Variants in STXBP5L observed in about 807,000 individuals in gnomAD.
The protein encoded by STXBP5L is syntaxin-binding protein 5-like.
Under a neutral mutation model 144.5 loss-of-function variants are expected in STXBP5L, and 65 were observed. That is an observed-to-expected ratio of 0.45 (90% confidence interval 0.37 to 0.55). The LOEUF is 0.55. Ranked by LOEUF, STXBP5L falls within the 20% of genes least tolerant of loss-of-function variation. STXBP5L has a pLI of 0.00. For missense variants in STXBP5L, 1,298 were observed against 1,405.5 expected (o/e 0.92, Z 1.22); for synonymous variants, 505 against 469.6 (o/e 1.08, Z -0.97).
chr3:121,029,622 C>A (rs193175218), intron 3 of STXBP5L, among the ~76,000 whole-genome samples: 2 of 152,232 alleles, frequency 1.3e-5, no homozygotes, highest in Non-Finnish European at 2.9e-5. Context: ...TAGGCATGGG[C>A]AAAGTCTTCG....
At chr3:121,356,524 G>T (rs2045521035) in intron 20 of STXBP5L, among the ~76,000 whole-genome samples, 1 of 152,236 alleles carries the variant, frequency 6.6e-6, no homozygotes, top group African/African-American at 2.4e-5. Context: ...CTCCTTGTCT[G>T]CCCATTGCTA....
chr3:121,055,190 A>G (rs1400433696), intron 5 of STXBP5L, among the ~76,000 whole-genome samples: 1 of 152,192 alleles, frequency 6.6e-6, no homozygotes, highest in Admixed American at 6.5e-5. Flanking sequence ...TAACATGAGA[A>G]TATTCATTAT....
intron 20 of STXBP5L, among the ~76,000 whole-genome samples, chr3:121,345,287 G>C (rs570013580): frequency 1.3e-5 from 2 of 152,126 alleles, no homozygotes; most frequent in Non-Finnish European, 2.9e-5. Flanking sequence ...GTGATAGTTT[G>C]CTGAGAATGA....
At chr3:121,096,740 C>T (rs565982336) in intron 5 of STXBP5L, among the ~76,000 whole-genome samples, 1 of 152,206 alleles carries the variant, frequency 6.6e-6, no homozygotes, top group African/African-American at 2.4e-5. Context: ...GGGGAACCTA[C>T]CAGTTGCCAG....
intron 20 of STXBP5L, among the ~76,000 whole-genome samples, chr3:121,349,022 C>T (rs1196769939): frequency 6.6e-6 from 1 of 151,986 alleles, no homozygotes; most frequent in Admixed American, 6.6e-5. Context: ...TTTGCTCTTG[C>T]TTCTCTAGTT....
At chr3:121,167,778 C>A (rs1361722510) in intron 9 of STXBP5L, among the ~76,000 whole-genome samples, 1 of 152,212 alleles carries the variant, frequency 6.6e-6, no homozygotes, top group Non-Finnish European at 1.5e-5. Flanking sequence ...AACATCCCTG[C>A]CTGCTGACTC....
chr3:121,051,148 AC>A (rs1947953105), intron 5 of STXBP5L, among the ~76,000 whole-genome samples: 1 of 152,144 alleles, frequency 6.6e-6, no homozygotes, highest in African/African-American at 2.4e-5. Flanking sequence ...AGACTTTAAC[AC>A]CCCACTGTCA....
At chr3:121,372,950 T>A (rs981492413) in intron 20 of STXBP5L, among the ~76,000 whole-genome samples, 2 of 152,140 alleles carry the variant, frequency 1.3e-5, no homozygotes, top group African/African-American at 4.8e-5. Context: ...AAAGAATAAG[T>A]AAATTGGAGG....
chr3:120,930,285 G>A (rs2107615801), intron 2 of STXBP5L, among the ~76,000 whole-genome samples: 1 of 150,918 alleles, frequency 6.6e-6, no homozygotes, highest in East Asian at 2.0e-4. Flanking sequence ...GAGCACAACA[G>A]TTATTACATA....
intron 16 of STXBP5L, among the ~76,000 whole-genome samples, chr3:121,256,434 G>A (rs1487379638): frequency 6.6e-6 from 1 of 151,896 alleles, no homozygotes; most frequent in Non-Finnish European, 1.5e-5. Context: ...TGCATTTTAT[G>A]CATTCATAAA....
chr3:121,206,569 G>T (rs1024880403), intron 10 of STXBP5L, among the ~76,000 whole-genome samples: 2 of 152,154 alleles, frequency 1.3e-5, no homozygotes, highest in African/African-American at 4.8e-5. Context: ...CAGCACTTTG[G>T]GAGGCTAAGG....
chr3:121,114,556 C>CA (rs1199363205), intron 5 of STXBP5L, among the ~76,000 whole-genome samples: 5 of 151,872 alleles, frequency 3.3e-5, no homozygotes, highest in Non-Finnish European at 1.5e-5. Context: ...ATTTTGTAAC[C>CA]AAACAGGAAA....
At chr3:121,328,375 C>G (rs1577468949) in intron 20 of STXBP5L, among the ~76,000 whole-genome samples, 1 of 152,156 alleles carries the variant, frequency 6.6e-6, no homozygotes, top group Non-Finnish European at 1.5e-5. Context: ...AAGCATCAAT[C>G]TTTCTGAAAT....
chr3:121,294,677 G>A (rs1248536776), intron 19 of STXBP5L, among the ~76,000 whole-genome samples: 1 of 152,056 alleles, frequency 6.6e-6, no homozygotes, highest in Non-Finnish European at 1.5e-5. Context: ...GGGAAGAAAA[G>A]GAGATTTGTG....
intron 3 of STXBP5L, among the ~76,000 whole-genome samples, chr3:120,971,991 G>A (rs1158213559): frequency 6.6e-6 from 1 of 151,906 alleles, no homozygotes; most frequent in Non-Finnish European, 1.5e-5. Context: ...GACCTACTGT[G>A]ACAAACGGGG....
chr3:121,275,913 T>G (rs1027770812), intron 18 of STXBP5L, among the ~76,000 whole-genome samples: 2 of 152,132 alleles, frequency 1.3e-5, no homozygotes, highest in Non-Finnish European at 2.9e-5. Context: ...GTGGATTTGT[T>G]GTAGGCACCA....
intron 22 of STXBP5L, 140 bp from the exon 23 acceptor site, chr3:121,407,103 C>A: frequency 9.5e-7 from 1 of 1,053,252 alleles, no homozygotes; most frequent in Non-Finnish European, 1.3e-6. Flanking sequence ...AACAGATGAG[C>A]TCACAAATCT....
At chr3:121,097,884 A>G (rs2043210487) in intron 5 of STXBP5L, among the ~76,000 whole-genome samples, 1 of 152,212 alleles carries the variant, frequency 6.6e-6, no homozygotes, top group Non-Finnish European at 1.5e-5. Context: ...ACTTAAGATT[A>G]CATTTAATTT....
intron 5 of STXBP5L, among the ~76,000 whole-genome samples, chr3:121,110,801 G>A (rs2043948078): frequency 6.6e-6 from 1 of 152,126 alleles, no homozygotes; most frequent in Admixed American, 6.5e-5. Flanking sequence ...AAGTTCTTGT[G>A]GATGATATCT....
Sources: allele counts gnomAD v4.1 joint callset (sites outside exome capture counted in the v4.1 genomes callset), GRCh38; gene constraint gnomAD v4.1.1; transcripts MANE v1.5; gene names NCBI Gene and HGNC (gene_info 2026-07-23, HGNC 2026-07-21).